Variants in ZCCHC7 observed in about 807,000 individuals in gnomAD.
ZCCHC7 encodes the protein zinc finger CCHC domain-containing protein 7.
A neutral mutation model predicts 52.0 loss-of-function variants in ZCCHC7; 35 were observed. The ratio of observed to expected loss-of-function variants is 0.67; its 90% CI spans 0.51 to 0.89. The LOEUF is 0.89. Ranked by LOEUF, ZCCHC7 falls within the 40% of genes least tolerant of loss-of-function variation. The pLI is 0.00. For synonymous variants in ZCCHC7, 217 were observed against 221.5 expected, an observed-to-expected ratio of 0.98 and a Z score of 0.18; for missense variants, 574 against 649.1, an observed-to-expected ratio of 0.88 and a Z score of 1.26.
intron 2 of ZCCHC7, among the ~76,000 whole-genome samples, chr9:37,190,850 C>T (rs898247410): frequency 1.3e-5 from 2 of 151,946 alleles, no homozygotes; most frequent in African/African-American, 4.8e-5. Context: ...AAAACCCTGT[C>T]TCTACTAAAA....
intron 2 of ZCCHC7, among the ~76,000 whole-genome samples, chr9:37,293,798 C>G (rs1020033036): frequency 6.6e-6 from 1 of 151,920 alleles, no homozygotes; most frequent in Non-Finnish European, 1.5e-5. Context: ...GAGGCCTTCT[C>G]TCTCTCTCTC....
chr9:37,267,938 C>T (rs983764678), intron 2 of ZCCHC7, among the ~76,000 whole-genome samples: 1 of 151,988 alleles, frequency 6.6e-6, no homozygotes, highest in Non-Finnish European at 1.5e-5. Context: ...CTCCTGGGCT[C>T]GAGGGATCCT....
chr9:37,309,759 T>C (rs918839291), intron 5 of ZCCHC7, among the ~76,000 whole-genome samples: 3 of 152,056 alleles, frequency 2.0e-5, no homozygotes, highest in African/African-American at 7.2e-5. Context: ...CCATCCCTAC[T>C]AAAAGTACAA....
At chr9:37,170,986 G>GA (rs1821697245) in intron 2 of ZCCHC7, among the ~76,000 whole-genome samples, 1 of 152,104 alleles carries the variant, frequency 6.6e-6, no homozygotes, top group African/African-American at 2.4e-5. Context: ...CTGTTCTAGA[G>GA]AAAAAAGCTC....
intron 2 of ZCCHC7, among the ~76,000 whole-genome samples, chr9:37,197,920 GTCA>G (rs919630227): frequency 3.3e-5 from 5 of 152,136 alleles, no homozygotes; most frequent in Non-Finnish European, 7.4e-5. Flanking sequence ...TGTTGGCACT[GTCA>G]TCATGAATAA....
At chr9:37,352,878 T>TC (rs1442052240) in intron 7 of ZCCHC7, among the ~76,000 whole-genome samples, 1 of 150,436 alleles carries the variant, frequency 6.6e-6, no homozygotes, top group Non-Finnish European at 1.5e-5. Context: ...TCTAGGACCC[T>TC]CCCCCCGACA....
intron 5 of ZCCHC7, chr9:37,326,155 T>C (rs1830231383): frequency 6.6e-6 from 1 of 152,180 alleles, no homozygotes; most frequent in African/African-American, 2.4e-5. Context: ...AAGCTTATGA[T>C]AGAAGGTAGG....
At chr9:37,332,737 G>A (rs1369670138) in intron 6 of ZCCHC7, among the ~76,000 whole-genome samples, 7 of 151,088 alleles carry the variant, frequency 4.6e-5, no homozygotes, top group Admixed American at 3.3e-4. Context: ...CAATAAATGA[G>A]ATTCTTTTAA....
intron 2 of ZCCHC7, among the ~76,000 whole-genome samples, chr9:37,144,342 A>G (rs1438563733): frequency 6.6e-6 from 1 of 151,918 alleles, no homozygotes; most frequent in African/African-American, 2.4e-5. Flanking sequence ...CATAAGTTGT[A>G]TTTTGAAAAG....
intron 7 of ZCCHC7, among the ~76,000 whole-genome samples, chr9:37,350,233 A>G (rs1229973814): frequency 1.3e-5 from 2 of 150,820 alleles, no homozygotes; most frequent in African/African-American, 4.9e-5. Context: ...GGTTCAAGCA[A>G]TTCTTCTGCC....
intron 2 of ZCCHC7, among the ~76,000 whole-genome samples, chr9:37,236,461 G>A (rs946044342): frequency 2.7e-5 from 4 of 150,872 alleles, no homozygotes; most frequent in Admixed American, 6.6e-5. Flanking sequence ...GCGCTGTCTC[G>A]GCTCACTGCA....
intron 2 of ZCCHC7, among the ~76,000 whole-genome samples, chr9:37,175,201 A>G (rs1038942678): frequency 2.6e-5 from 4 of 152,246 alleles, no homozygotes; most frequent in Admixed American, 2.6e-4. Flanking sequence ...TTACCATCCT[A>G]CTATGAGAAT....
chr9:37,213,257 A>C (rs1824334436), intron 2 of ZCCHC7, among the ~76,000 whole-genome samples: 1 of 152,188 alleles, frequency 6.6e-6, no homozygotes, highest in Admixed American at 6.5e-5. Context: ...AAGATAATGT[A>C]ATTACTGCTC....
chr9:37,138,549 A>G (rs1843090731), intron 2 of ZCCHC7, among the ~76,000 whole-genome samples: 1 of 152,076 alleles, frequency 6.6e-6, no homozygotes, highest in African/African-American at 2.4e-5. Flanking sequence ...AAAAAAATAC[A>G]TTTCTTCTAG....
intron 3 of ZCCHC7, among the ~76,000 whole-genome samples, chr9:37,302,522 T>G (rs1425419433): frequency 1.3e-5 from 2 of 152,216 alleles, no homozygotes; most frequent in African/African-American, 2.4e-5. Context: ...AATAACTGCT[T>G]CTTCAGTGTA....
rs1588642355 is a variant in ZCCHC7, at chr9:37,305,433, T to C, written c.781-111T>C. Reference sequence around the variant, plus strand: ...ACAGTTGTGCTCAGGATTCTACCTTTATTGGGATCTCAAATTAGAAAAGAT... The same window carrying C: ...ACAGTTGTGCTCAGGATTCTACCTTCATTGGGATCTCAAATTAGAAAAGAT... On this transcript the variant is annotated intron_variant, in intron 4 of 8. Transcript: ENST00000336755. The C allele has an allele frequency of 7.1e-6, 9 of 1,273,198 alleles. No individual in the cohort carries two copies. The East Asian group carries it at 2.1e-4, about 30-fold the overall frequency. 78.9% of individuals were successfully genotyped at this position (1,273,198 alleles called of 1,614,324 possible).
chr9:37,195,744 G>C (rs1367295888), intron 2 of ZCCHC7, among the ~76,000 whole-genome samples: 3 of 152,198 alleles, frequency 2.0e-5, no homozygotes, highest in African/African-American at 7.2e-5. Context: ...ATGCGAATTA[G>C]CTGGAAGAGA....
chr9:37,277,861 A>G (rs1202738882), intron 2 of ZCCHC7, among the ~76,000 whole-genome samples: 2 of 152,192 alleles, frequency 1.3e-5, no homozygotes, highest in African/African-American at 4.8e-5. Flanking sequence ...AAAAAGTATC[A>G]TTCACAAGAT....
At chr9:37,286,213 A>G (rs1299584497) in intron 2 of ZCCHC7, among the ~76,000 whole-genome samples, 3 of 152,232 alleles carry the variant, frequency 2.0e-5, no homozygotes, top group African/African-American at 7.2e-5. Flanking sequence ...GTTTGGATGT[A>G]AACATGGGTT....
Sources: allele counts gnomAD v4.1 joint callset (sites outside exome capture counted in the v4.1 genomes callset), GRCh38; gene constraint gnomAD v4.1.1; transcripts MANE v1.5; gene names NCBI Gene and HGNC (gene_info 2026-07-23, HGNC 2026-07-21).